AFF2: variants seen among roughly 807,000 people sequenced by gnomAD.
AFF2 encodes the protein ALF transcription elongation factor 2.
A neutral mutation model predicts 76.9 loss-of-function variants in AFF2; 14 were observed. That is an observed-to-expected ratio of 0.18 (90% confidence interval 0.12 to 0.28). AFF2 has a LOEUF of 0.28. Among genes scored for constraint, AFF2 ranks in the 10% least tolerant of loss-of-function variants. The pLI, the probability that AFF2 is intolerant of heterozygous loss-of-function variation, is 1.00. For synonymous variants in AFF2, 398 were observed against 366.7 expected (o/e 1.09, Z -0.98); for missense variants, 868 against 1,001.1 (o/e 0.87, Z 1.79).
chrX:148,991,562 GC>G lies in AFF2; in HGVS notation c.*231del, dbSNP rs1557292293. The G allele has an allele frequency of 7.5e-6, 2 of 268,307 alleles. No individual in the cohort carries two copies. The allele number at this position is 268,307 out of a possible 1,213,427, so 22.1% of individuals were successfully genotyped here. A position where few individuals can be genotyped will look rare whatever the true frequency, so the allele number is the denominator to read the frequency against. On this transcript the variant is annotated 3_prime_UTR_variant, in exon 21 of 21. Transcript: ENST00000370460. The stretch of plus-strand genomic sequence containing the variant: ...TTTTTTTTCTTTTAGCATTTGATAT[GC>G]ATTTCTCAGATTCCACCATCTTTTT...
intron 1 of AFF2, among the ~76,000 whole-genome samples, chrX:148,503,494 C>T (rs1557232129): frequency 3.6e-5 from 4 of 112,049 alleles, no homozygotes. Context: ...TCTTATTTAC[C>T]TTGAATTTAT....
chrX:148,793,860 T>C (rs1244198590), intron 3 of AFF2, among the ~76,000 whole-genome samples: 1 of 112,181 alleles, frequency 8.9e-6, no homozygotes, highest in Non-Finnish European at 1.9e-5. Flanking sequence ...GCCTTTTCTC[T>C]GTCAGGAGCC....
chrX:148,911,075 T>TTATATA (rs35222291), intron 9 of AFF2, among the ~76,000 whole-genome samples: 240 of 104,334 alleles, frequency 2.3e-3, no homozygotes, highest in African/African-American at 7.7e-3. Flanking sequence ...TGCACATAAA[T>TTATATA]TATATATATA....
intron 1 of AFF2, among the ~76,000 whole-genome samples, chrX:148,507,941 A>G (rs1364072365): frequency 8.9e-6 from 1 of 112,341 alleles, no homozygotes; most frequent in African/African-American, 3.2e-5. Context: ...CTGTTTTTCA[A>G]ACATACCTGT....
chrX:148,518,816 T>C lies in AFF2; in HGVS notation c.47+17672T>C, dbSNP rs782114768. Among the ~76,000 whole-genome samples, 8 of 112,084 alleles carry C rather than the reference T, an allele frequency of 7.1e-5. No individual in the cohort carries two copies. The South Asian group carries it at 2.6e-3, about 36-fold the overall frequency. The stretch of plus-strand genomic sequence containing the variant: ...CAAGCTTGAAATTGTTGGAAAATGA[T>C]GCTCAAATCAAATCACATTAAATTC... On this transcript the variant is annotated intron_variant, in intron 1 of 20. Transcript: ENST00000370460.
intron 1 of AFF2, among the ~76,000 whole-genome samples, chrX:148,638,704 C>T (rs1316438194): frequency 9.0e-6 from 1 of 110,923 alleles, no homozygotes; most frequent in Non-Finnish European, 1.9e-5. Context: ...AAAGAAGGAG[C>T]AAGGGAGAGA....
At chrX:148,917,133 A>G (rs2071541654) in intron 9 of AFF2, among the ~76,000 whole-genome samples, 1 of 112,223 alleles carries the variant, frequency 8.9e-6, no homozygotes, top group Non-Finnish European at 1.9e-5. Context: ...TATGTTCCAT[A>G]TTAGCTTTAT....
At chrX:148,555,481 A>G (rs1362041422) in intron 1 of AFF2, among the ~76,000 whole-genome samples, 2 of 112,342 alleles carry the variant, frequency 1.8e-5, no homozygotes, top group African/African-American at 3.2e-5. Context: ...TAGTTTTGAC[A>G]TAGAGTGATT....
At position 148,507,311 on chromosome X, in the gene AFF2, A is replaced by ATGTAATT. The variant is rs1234123062; in HGVS notation, c.47+6168_47+6174dup. 2.7e-5 allele frequency among the ~76,000 whole-genome samples: 3 copies of ATGTAATT among 112,604 alleles called. No homozygotes were observed. The Admixed American group carries it at 2.8e-4, about 11-fold the overall frequency. On this transcript the variant is annotated intron_variant, in intron 1 of 20. Transcript: ENST00000370460. ...ATAGGAAAAGGCAAAAATAGTATCC[A>ATGTAATT]TGTAATTGGCATGTTTTTAAGAAAC...
chrX:148,537,808 C>T (rs1272604574), intron 1 of AFF2, among the ~76,000 whole-genome samples: 3 of 111,107 alleles, frequency 2.7e-5, no homozygotes, highest in Non-Finnish European at 3.8e-5. Flanking sequence ...TGAAATGAAG[C>T]GCTGATAGCA....
chrX:148,511,544 G>T (rs1435989881), intron 1 of AFF2, among the ~76,000 whole-genome samples: 2 of 112,592 alleles, frequency 1.8e-5, no homozygotes, highest in Non-Finnish European at 3.8e-5. Flanking sequence ...TTCCACACGT[G>T]CTGATTTTAA....
intron 3 of AFF2, among the ~76,000 whole-genome samples, chrX:148,783,975 C>T (rs1448508563): frequency 1.8e-5 from 2 of 111,872 alleles, no homozygotes; most frequent in African/African-American, 6.5e-5. Flanking sequence ...AATTGAGCTG[C>T]TGCCTCTCCT....
chrX:148,985,285 C>CTTTTTTTTTTTTTTTTTTTTTTT (rs151339705), intron 19 of AFF2, among the ~76,000 whole-genome samples: 1 of 15,383 alleles, frequency 6.5e-5, no homozygotes, highest in African/African-American at 2.0e-4. Context: ...TGTGCCTGGC[C>CTTTTTTTTTTTTTTTTTTTTTTT]TTTTTTTTTT....
Position 148,500,964 on chromosome X carries a change from C to T in AFF2, c.-134C>T. The T allele has an allele frequency of 1.2e-6, 1 of 803,747 alleles. No individual in the cohort carries two copies. The highest frequency in any genetic ancestry group is 3.6e-5 in the East Asian group (1 of 27,759). The allele number at this position is 803,747 out of a possible 1,213,427, so 66.2% of individuals were successfully genotyped here. A position where few individuals can be genotyped will look rare whatever the true frequency, so the allele number is the denominator to read the frequency against. On this transcript the variant is annotated 5_prime_UTR_variant, in exon 1 of 21. Coordinates refer to ENST00000370460, the MANE Select transcript of AFF2 (RefSeq NM_002025.4). The stretch of plus-strand genomic sequence containing the variant: ...CGCCCGCTGCTGCTGCCGATGCGGC[C>T]CGGACACTTTTAGCTGGGCGGGAGG...
At chrX:148,799,351 A>G (rs1486562074) in intron 3 of AFF2, among the ~76,000 whole-genome samples, 3 of 111,658 alleles carry the variant, frequency 2.7e-5, no homozygotes, top group African/African-American at 9.8e-5. Flanking sequence ...ATATAAGACC[A>G]TCATCATGGT....
intron 3 of AFF2, among the ~76,000 whole-genome samples, chrX:148,744,216 T>C (rs2055395295): frequency 9.0e-6 from 1 of 111,251 alleles, no homozygotes. Context: ...AGATCCTGAG[T>C]CTCAGCACGG....
intron 7 of AFF2, among the ~76,000 whole-genome samples, chrX:148,853,268 A>T (rs781790554): frequency 1.7e-4 from 19 of 111,339 alleles, no homozygotes; most frequent in African/African-American, 6.2e-4. Flanking sequence ...TAAATCTTTT[A>T]GATTTGGTCT....
At chrX:148,693,257 G>T (rs1377286561) in intron 3 of AFF2, among the ~76,000 whole-genome samples, 2 of 111,799 alleles carry the variant, frequency 1.8e-5, no homozygotes, top group East Asian at 2.8e-4. Flanking sequence ...ACTAGTAATT[G>T]GATGTGGGCT....
At chrX:148,694,197 T>C (rs782695821) in intron 3 of AFF2, among the ~76,000 whole-genome samples, 11 of 107,146 alleles carry the variant, frequency 1.0e-4, no homozygotes, top group Non-Finnish European at 1.9e-5. Context: ...GGGATAGCAT[T>C]GGGAGATATA....
Sources: gnomAD v4.1 joint callset for allele counts (sites outside exome capture counted in the v4.1 genomes callset) on GRCh38, gnomAD v4.1.1 for gene constraint, MANE v1.5 for transcripts, NCBI Gene and HGNC (gene_info 2026-07-23, HGNC 2026-07-21) for gene names.